The following VAT1L variants were observed in gnomAD, a reference collection of about 807,000 sequenced individuals.
VAT1L encodes vesicle amine transport 1 like, also known as putative NADPH-dependent quinone oxidoreductase VAT1L.
A neutral mutation model predicts 44.1 loss-of-function variants in VAT1L; 34 were observed. The observed-to-expected ratio is 0.77, with a 90% CI of 0.59 to 1.03. VAT1L has a LOEUF of 1.03. Among genes scored for constraint, VAT1L ranks in the 50% least tolerant of loss-of-function variants. The pLI is 0.00. For missense variants in VAT1L, 615 were observed against 538.8 expected (o/e 1.14, Z -1.40); for synonymous variants, 253 against 202.2 (o/e 1.25, Z -2.13).
chr16:77,902,817 C>T (rs1240607796), intron 7 of VAT1L, among the ~76,000 whole-genome samples: 1 of 151,042 alleles, frequency 6.6e-6, no homozygotes, highest in East Asian at 2.0e-4. Flanking sequence ...AAAAATACCA[C>T]AAAAACCTAG....
At chr16:77,794,371 G>A (rs534395965) in intron 1 of VAT1L, among the ~76,000 whole-genome samples, 1 of 152,136 alleles carries the variant, frequency 6.6e-6, no homozygotes, top group East Asian at 1.9e-4. Context: ...GGATGCTTTG[G>A]GGGATCCATC....
At chr16:77,946,408 C>A (rs545171736) in intron 7 of VAT1L, among the ~76,000 whole-genome samples, 1 of 151,150 alleles carries the variant, frequency 6.6e-6, no homozygotes, top group African/African-American at 2.4e-5. Flanking sequence ...CTTAGACTCC[C>A]GAGTAGCTGG....
chr16:77,828,578 G>A (rs573199070), intron 3 of VAT1L, among the ~76,000 whole-genome samples: 18 of 152,172 alleles, frequency 1.2e-4, no homozygotes, highest in Non-Finnish European at 2.4e-4. Context: ...CAGGAGAATC[G>A]CTTGAAGCCG....
At chr16:77,796,899 G>A (rs889183912) in intron 1 of VAT1L, among the ~76,000 whole-genome samples, 5 of 152,160 alleles carry the variant, frequency 3.3e-5, no homozygotes, top group South Asian at 2.1e-4. Context: ...AATCTGGGAC[G>A]TTCTCACTTA....
chr16:77,963,596 A>T (rs966371932), intron 7 of VAT1L, among the ~76,000 whole-genome samples: 2 of 151,932 alleles, frequency 1.3e-5, no homozygotes, highest in Non-Finnish European at 2.9e-5. Flanking sequence ...AACTGATACA[A>T]AACCTTACCT....
chr16:77,918,626 G>C (rs2017575505), intron 7 of VAT1L, among the ~76,000 whole-genome samples: 1 of 152,134 alleles, frequency 6.6e-6, no homozygotes, highest in Non-Finnish European at 1.5e-5. Context: ...CATGCTGTAA[G>C]GAGGATGGAA....
intron 7 of VAT1L, among the ~76,000 whole-genome samples, chr16:77,934,112 G>C (rs2017764688): frequency 1.3e-5 from 2 of 152,120 alleles, no homozygotes; most frequent in African/African-American, 4.8e-5. Flanking sequence ...AAAAATTGAT[G>C]GTAGCCTGGA....
chr16:77,932,740 T>C (rs979571937), intron 7 of VAT1L, among the ~76,000 whole-genome samples: 2 of 152,196 alleles, frequency 1.3e-5, no homozygotes, highest in Non-Finnish European at 2.9e-5. Context: ...TCATTTGTGC[T>C]GGCCACAGTA....
At chr16:77,939,966 G>C (rs939288940) in intron 7 of VAT1L, among the ~76,000 whole-genome samples, 1 of 152,130 alleles carries the variant, frequency 6.6e-6, no homozygotes, top group Non-Finnish European at 1.5e-5. Context: ...TCTTCTTTAA[G>C]ATGCAGTAAT....
intron 4 of VAT1L, 55 bp from the exon 5 acceptor site, chr16:77,876,315 G>T (rs1215772201): frequency 6.9e-7 from 1 of 1,452,692 alleles, no homozygotes; most frequent in Non-Finnish European, 9.7e-7. Context: ...GAAAGGGATT[G>T]ACAGTCTGGC....
intron 3 of VAT1L, among the ~76,000 whole-genome samples, chr16:77,862,445 T>C (rs750540960): frequency 1.3e-4 from 20 of 151,804 alleles, no homozygotes; most frequent in Non-Finnish European, 2.1e-4. Context: ...TGAAACCCCA[T>C]CTCTACGAAA....
At chr16:77,949,166 C>T (rs1441741462) in intron 7 of VAT1L, among the ~76,000 whole-genome samples, 2 of 152,092 alleles carry the variant, frequency 1.3e-5, no homozygotes, top group African/African-American at 2.4e-5. Context: ...GATGATGAGA[C>T]CTCGAATGAT....
chr16:77,841,919 G>A (rs139003979), intron 3 of VAT1L, among the ~76,000 whole-genome samples: 19,895 of 150,974 alleles, frequency 0.13, 1,743 homozygotes, highest in Non-Finnish European at 0.2. Context: ...ACAGAGTCTC[G>A]CTCTGTTGCC....
At chr16:77,841,551 G>A (rs1281710639) in intron 3 of VAT1L, among the ~76,000 whole-genome samples, 1 of 152,166 alleles carries the variant, frequency 6.6e-6, no homozygotes, top group Non-Finnish European at 1.5e-5. Context: ...CACCTCTTCT[G>A]TCTCACAAAT....
chr16:77,827,447 A>G (rs895578312), intron 3 of VAT1L, among the ~76,000 whole-genome samples: 3 of 152,238 alleles, frequency 2.0e-5, no homozygotes, highest in South Asian at 2.1e-4. Flanking sequence ...TTACAAAAGG[A>G]AAATAATCTT....
At chr16:77,923,871 G>A (rs1364675612) in intron 7 of VAT1L, among the ~76,000 whole-genome samples, 2 of 152,156 alleles carry the variant, frequency 1.3e-5, no homozygotes, top group African/African-American at 2.4e-5. Flanking sequence ...CGACACACTG[G>A]TGTGTACAGG....
rs576527288 is a variant in VAT1L, at chr16:77,960,983, G to T, written c.1078-10867G>T. On this transcript the variant is annotated intron_variant, in intron 7 of 8. Transcript: ENST00000302536. Reference sequence around the variant, plus strand: ...CTGATGGCATGAGTTCAGCTCCAATGGGTTGCAATCCACTGGGGTTAAATA... The same window carrying T: ...CTGATGGCATGAGTTCAGCTCCAATTGGTTGCAATCCACTGGGGTTAAATA... 3.3e-5 allele frequency among the ~76,000 whole-genome samples: 5 copies of T among 152,174 alleles called. No homozygotes were observed. The South Asian group carries it at 1.0e-3, about 32-fold the overall frequency.
chr16:77,788,851 C>T lies in VAT1L; in HGVS notation c.169C>T (p.Arg57Trp). The T allele has an allele frequency of 1.3e-6, 2 of 1,578,392 alleles. No individual in the cohort carries two copies. Among genetic ancestry groups the T allele is most frequent in the Admixed American group, 1.8e-5 (1 of 54,116 alleles). Residue 57 changes from arginine to tryptophan, a missense_variant, in exon 1 of 9, where the codon CGG becomes TGG. Arg to Trp is a moderately radical substitution (Grantham distance 101). Coordinates refer to ENST00000302536, the MANE Select transcript of VAT1L (RefSeq NM_020927.3). The stretch of plus-strand genomic sequence containing the variant: ...TGGCTTCGGGGGGCTCAACAAGCTG[C>T]GGCTCTTCAGGAAGGCCATGCCCGA... ...LAGFGGLNKLRLFRKAMPEPQ... is the reference protein window; with the variant it reads ...LAGFGGLNKLWLFRKAMPEPQ...
chr16:77,956,111 C>T (rs1485223624), intron 7 of VAT1L, among the ~76,000 whole-genome samples: 1 of 152,064 alleles, frequency 6.6e-6, no homozygotes, highest in Non-Finnish European at 1.5e-5. Flanking sequence ...GAGATAATGC[C>T]TGAGGGGATG....
Sources: allele counts gnomAD v4.1 joint callset (sites outside exome capture counted in the v4.1 genomes callset), GRCh38; gene constraint gnomAD v4.1.1; transcripts MANE v1.5; gene names NCBI Gene and HGNC (gene_info 2026-07-23, HGNC 2026-07-21).